The following GRIN3A variants were observed in gnomAD, a reference collection of about 807,000 sequenced individuals.
GRIN3A encodes glutamate receptor ionotropic, NMDA 3A.
A neutral mutation model predicts 92.4 loss-of-function variants in GRIN3A; 47 were observed. The ratio of observed to expected loss-of-function variants is 0.51; its 90% CI spans 0.40 to 0.65. GRIN3A has a LOEUF of 0.65. GRIN3A is among the 30% of genes least tolerant of loss of function. The pLI, the probability that GRIN3A is intolerant of heterozygous loss-of-function variation, is 0.00. For synonymous variants in GRIN3A, 527 were observed against 540.6 expected (o/e 0.97, Z 0.35); for missense variants, 1,324 against 1,393.1 (o/e 0.95, Z 0.79).
chr9:101,699,945 C>A (rs1296738513), intron 1 of GRIN3A, among the ~76,000 whole-genome samples: 1 of 152,106 alleles, frequency 6.6e-6, no homozygotes, highest in Non-Finnish European at 1.5e-5. Flanking sequence ...ATCGTCAACT[C>A]CCAGTCAACT....
intron 8 of GRIN3A, among the ~76,000 whole-genome samples, chr9:101,574,168 T>C (rs1827797715): frequency 6.6e-6 from 1 of 152,120 alleles, no homozygotes; most frequent in Admixed American, 6.5e-5. Flanking sequence ...ATGAAAGTCA[T>C]ATAGAAAGCA....
chr9:101,569,452 G>C lies in GRIN3A; in HGVS notation c.*3722C>G, dbSNP rs1476490478. 3 of 152,172 alleles carry C rather than the reference G, an allele frequency of 2.0e-5. No individual in the cohort carries two copies. The highest frequency in any genetic ancestry group is 4.4e-5 in the Non-Finnish European group (3 of 68,028). The allele number at this position is 152,172 out of a possible 1,614,324, so 9.4% of individuals were successfully genotyped here. Reference sequence around the variant, plus strand: ...TCCATGTGGTTGTACAAGAAAAGTGGCTGGAGCAAAACAGCCCGTTCACTT... The same window carrying C: ...TCCATGTGGTTGTACAAGAAAAGTGCCTGGAGCAAAACAGCCCGTTCACTT... On this transcript the variant is annotated 3_prime_UTR_variant, in exon 9 of 9. Transcript: ENST00000361820.
intron 2 of GRIN3A, among the ~76,000 whole-genome samples, chr9:101,677,533 C>T (rs1829414396): frequency 6.6e-6 from 1 of 152,086 alleles, no homozygotes; most frequent in African/African-American, 2.4e-5. Flanking sequence ...CAGCTCCCTT[C>T]CCACTGCCTT....
intron 6 of GRIN3A, among the ~76,000 whole-genome samples, chr9:101,579,683 T>C (rs774005356): frequency 4.1e-4 from 62 of 152,200 alleles, no homozygotes; most frequent in Non-Finnish European, 7.6e-4. Context: ...TTCCTGGCCT[T>C]GATTGGATGG....
At chr9:101,644,472 A>AAC (rs1828909364) in intron 3 of GRIN3A, among the ~76,000 whole-genome samples, 2 of 151,618 alleles carry the variant, frequency 1.3e-5, no homozygotes, top group African/African-American at 4.8e-5. Flanking sequence ...AAAAAAAAAA[A>AAC]AAAAAACACA....
intron 1 of GRIN3A, among the ~76,000 whole-genome samples, chr9:101,725,755 T>G (rs1468670473): frequency 2.0e-5 from 3 of 152,214 alleles, no homozygotes; most frequent in African/African-American, 7.2e-5. Flanking sequence ...CAACAATTAT[T>G]TATTACTGTG....
At chr9:101,594,814 C>T (rs764292144) in intron 6 of GRIN3A, 2 of 1,612,198 alleles carry the variant, frequency 1.2e-6, no homozygotes, top group Non-Finnish European at 1.7e-6. Context: ...CGCTCAGAGA[C>T]CCTGATTTGT....
chr9:101,708,380 G>A (rs1233330600), intron 1 of GRIN3A, among the ~76,000 whole-genome samples: 4 of 152,082 alleles, frequency 2.6e-5, no homozygotes, highest in African/African-American at 9.7e-5. Context: ...TGTGGTTTTT[G>A]TGACAGCTTT....
At chr9:101,684,686 A>G (rs1829507910) in intron 2 of GRIN3A, among the ~76,000 whole-genome samples, 1 of 152,186 alleles carries the variant, frequency 6.6e-6, no homozygotes, top group Non-Finnish European at 1.5e-5. Flanking sequence ...ATGAGACCCT[A>G]AGGTATATAC....
intron 1 of GRIN3A, among the ~76,000 whole-genome samples, chr9:101,728,954 C>T (rs1024822541): frequency 2.0e-5 from 3 of 152,164 alleles, no homozygotes; most frequent in Non-Finnish European, 4.4e-5. Context: ...CATATTGTTA[C>T]TGTGATACAG....
intron 1 of GRIN3A, among the ~76,000 whole-genome samples, chr9:101,695,898 A>G (rs1829678215): frequency 6.6e-6 from 1 of 152,160 alleles, no homozygotes; most frequent in African/African-American, 2.4e-5. Flanking sequence ...GAGCCTCTTT[A>G]GAAAATGCAT....
intron 3 of GRIN3A, among the ~76,000 whole-genome samples, chr9:101,629,262 A>G (rs1019396449): frequency 2.6e-5 from 4 of 152,088 alleles, no homozygotes; most frequent in African/African-American, 4.8e-5. Context: ...ATGATTTCCC[A>G]TATATATTAT....
At chr9:101,597,886 G>C (rs1828159888) in intron 6 of GRIN3A, among the ~76,000 whole-genome samples, 1 of 152,052 alleles carries the variant, frequency 6.6e-6, no homozygotes, top group South Asian at 2.1e-4. Context: ...TTCTTGCTTG[G>C]ATTATGGTAA....
intron 6 of GRIN3A, chr9:101,594,338 G>A: frequency 1.3e-6 from 2 of 1,514,194 alleles, no homozygotes; most frequent in Non-Finnish European, 1.8e-6. Context: ...ACAGTTGGAC[G>A]TCTTGAGCAA....
intron 2 of GRIN3A, among the ~76,000 whole-genome samples, chr9:101,679,451 T>TGGAAAA (rs1829440427): frequency 6.6e-6 from 1 of 152,128 alleles, no homozygotes. Flanking sequence ...CCAGTGTACC[T>TGGAAAA]TATGTGAGTC....
intron 6 of GRIN3A, among the ~76,000 whole-genome samples, chr9:101,590,274 G>A (rs1351072337): frequency 1.3e-5 from 2 of 152,176 alleles, no homozygotes; most frequent in East Asian, 1.9e-4. Flanking sequence ...AGGTACGGTA[G>A]TTGACACGGC....
rs551254834 is a variant in GRIN3A, at chr9:101,640,830, GC to G, written c.2353-12430del. 2.8e-3 allele frequency among the ~76,000 whole-genome samples: 430 copies of G among 152,200 alleles called. 4 individuals carry two copies. The highest frequency in any genetic ancestry group is 7.8e-3 in the African/African-American group (326 of 41,534). The stretch of plus-strand genomic sequence containing the variant: ...CGTAAGACATGACTTGCTCCTCCTT[GC>G]CTTCCACCATGAGTGTGAGGCCTTT... On this transcript the variant is annotated intron_variant, in intron 3 of 8. Coordinates refer to ENST00000361820, the MANE Select transcript of GRIN3A (RefSeq NM_133445.3).
chr9:101,680,085 G>T (rs567328268), intron 2 of GRIN3A, among the ~76,000 whole-genome samples: 3 of 152,204 alleles, frequency 2.0e-5, no homozygotes, highest in African/African-American at 7.2e-5. Flanking sequence ...GTAGCTGAAT[G>T]ACCTTAGACA....
chr9:101,737,792 C>T lies in GRIN3A; in HGVS notation c.188G>A (p.Arg63His). 3 of 1,528,046 alleles carry T rather than the reference C, an allele frequency of 2.0e-6. No homozygotes were observed. The highest frequency in any genetic ancestry group is 8.7e-7 in the Non-Finnish European group (1 of 1,143,792). 94.7% of individuals were successfully genotyped at this position (1,528,046 alleles called of 1,614,324 possible). ...GTCGTCCGGAGCGCGGCTGGCCGCG[C>T]GGGGGGCGGTGGTCCAGGGCTGCAA... ...VHLQPWTTAP[R>H]AASRAPDDSR... The change falls in exon 1 of 9, where the codon CGC (arginine) becomes CAC (histidine). Residue 63 changes from arginine to histidine, a missense_variant. Arg to His is a conservative substitution (Grantham distance 29). Transcript: ENST00000361820.
Sources: gnomAD v4.1 joint callset for allele counts (sites outside exome capture counted in the v4.1 genomes callset) on GRCh38, gnomAD v4.1.1 for gene constraint, MANE v1.5 for transcripts, NCBI Gene and HGNC (gene_info 2026-07-23, HGNC 2026-07-21) for gene names.